HMCN1: variants seen among roughly 807,000 people sequenced by gnomAD.
The protein encoded by HMCN1 is hemicentin 1.
Under a neutral mutation model 625.9 loss-of-function variants are expected in HMCN1, and 321 were observed. The ratio of observed to expected loss-of-function variants is 0.51; its 90% CI spans 0.47 to 0.56. The LOEUF is 0.56. Among genes scored for constraint, HMCN1 ranks in the 20% least tolerant of loss-of-function variants. HMCN1 has a pLI of 0.00. For missense variants in HMCN1, 6,588 were observed against 6,887.3 expected (o/e 0.96, Z 1.54); for synonymous variants, 2,425 against 2,417.6 (o/e 1.00, Z -0.09).
chr1:186,122,197 A>C (rs1226528090), intron 80 of HMCN1, among the ~76,000 whole-genome samples: 1 of 152,212 alleles, frequency 6.6e-6, no homozygotes, highest in Non-Finnish European at 1.5e-5. Context: ...TTCTGAATAG[A>C]CTGTCTTCTT....
chr1:186,080,343 TG>T (rs1353244138), intron 55 of HMCN1, among the ~76,000 whole-genome samples: 1 of 151,990 alleles, frequency 6.6e-6, no homozygotes, highest in Non-Finnish European at 1.5e-5. Flanking sequence ...ATTTTTAAAG[TG>T]GGGGGGAAAT....
intron 4 of HMCN1, among the ~76,000 whole-genome samples, chr1:185,902,547 T>G (rs1198580056): frequency 2.0e-5 from 3 of 151,730 alleles, no homozygotes; most frequent in African/African-American, 2.4e-5. Flanking sequence ...AATAGTGTTT[T>G]ATGTAACTAC....
At chr1:185,924,356 G>A (rs1225281786) in intron 8 of HMCN1, among the ~76,000 whole-genome samples, 1 of 148,576 alleles carries the variant, frequency 6.7e-6, no homozygotes, top group African/African-American at 2.5e-5. Flanking sequence ...TCAGCCTCCC[G>A]AGTAGCTGGG....
intron 67 of HMCN1, 121 bp downstream of exon 67, chr1:186,094,494 A>T (rs1411531101): frequency 2.7e-6 from 2 of 752,428 alleles, no homozygotes; most frequent in Non-Finnish European, 4.7e-6. Context: ...AGGATTAGTG[A>T]AATAGGATCT....
At chr1:186,052,714 G>A (rs1657043514) in intron 42 of HMCN1, among the ~76,000 whole-genome samples, 1 of 151,940 alleles carries the variant, frequency 6.6e-6, no homozygotes, top group South Asian at 2.1e-4. Context: ...TAATAAAGTA[G>A]CTTCTTTTTA....
chr1:185,812,072 A>G (rs533975545), intron 1 of HMCN1, among the ~76,000 whole-genome samples: 1 of 152,158 alleles, frequency 6.6e-6, no homozygotes, highest in Non-Finnish European at 1.5e-5. Flanking sequence ...CCAGTCAGCT[A>G]TTCTCTAAGT....
At position 185,951,348 on chromosome 1, in the gene HMCN1, G is replaced by A. The variant is rs1668657754; in HGVS notation, c.1829-11170G>A. ...TTGTCTAAGTTGGCACCACAGCTGG[G>A]GAGTTTTAAGAGGTTTAGAAGCCTG... On this transcript the variant is annotated intron_variant, in intron 11 of 106. Transcript: ENST00000271588. Among the ~76,000 whole-genome samples, 7 of 151,886 alleles carry A rather than the reference G, an allele frequency of 4.6e-5. No individual in the cohort carries two copies. In the South Asian group the frequency reaches 1.5e-3, roughly 32 times the overall value.
rs139527845 is a variant in HMCN1 at position 185,845,660 on chromosome 1, G to A, written c.269-366G>A. On this transcript the variant is annotated intron_variant, in intron 1 of 106. Coordinates refer to ENST00000271588, the MANE Select transcript of HMCN1 (RefSeq NM_031935.3). ...AAACAAATTTACACTTTAAAGTTGG[G>A]CAGACTGAATTATAGACGAATAAGT... 7.2e-4 allele frequency among the ~76,000 whole-genome samples: 110 copies of A among 152,292 alleles called. 1 individual carries two copies. The East Asian group carries it at 0.02, about 28-fold the overall frequency.
chr1:185,902,236 T>A (rs1321960463), intron 4 of HMCN1, among the ~76,000 whole-genome samples: 2 of 151,456 alleles, frequency 1.3e-5, no homozygotes, highest in Non-Finnish European at 3.0e-5. Context: ...ACTTTTTTTA[T>A]ATAAATTTTT....
intron 41 of HMCN1, 27 bp from the exon 42 acceptor site, chr1:186,048,716 G>A (rs775582058): frequency 1.1e-5 from 15 of 1,353,156 alleles, no homozygotes; most frequent in Non-Finnish European, 1.6e-5. Context: ...TAGAAAGTGT[G>A]ATTTCAAAGG....
At chr1:185,830,177 T>A (rs1207158795) in intron 1 of HMCN1, among the ~76,000 whole-genome samples, 1 of 151,290 alleles carries the variant, frequency 6.6e-6, no homozygotes, top group Non-Finnish European at 1.5e-5. Context: ...ATTGCAAAAA[T>A]TTTCTCTCAT....
intron 1 of HMCN1, among the ~76,000 whole-genome samples, chr1:185,841,854 G>A (rs958942028): frequency 1.3e-5 from 2 of 152,206 alleles, no homozygotes; most frequent in Non-Finnish European, 2.9e-5. Flanking sequence ...ATCAGCATGT[G>A]TTTTAGAGTA....
intron 36 of HMCN1, among the ~76,000 whole-genome samples, chr1:186,036,502 A>C (rs1409164052): frequency 6.6e-6 from 1 of 152,148 alleles, no homozygotes; most frequent in African/African-American, 2.4e-5. Context: ...CCCATGATTC[A>C]ATTATCTACC....
At chr1:186,134,947 A>C (rs1472222880) in intron 86 of HMCN1, among the ~76,000 whole-genome samples, 1 of 152,104 alleles carries the variant, frequency 6.6e-6, no homozygotes, top group Non-Finnish European at 1.5e-5. Flanking sequence ...GTATGCTGTT[A>C]CTCTTCAGGG....
intron 1 of HMCN1, among the ~76,000 whole-genome samples, chr1:185,836,677 G>T (rs977992038): frequency 3.3e-5 from 5 of 152,036 alleles, no homozygotes; most frequent in African/African-American, 1.2e-4. Flanking sequence ...ACATGTGCAG[G>T]TTTGTTTTTA....
At chr1:186,069,316 G>T (rs1013954238) in intron 50 of HMCN1, among the ~76,000 whole-genome samples, 1 of 152,184 alleles carries the variant, frequency 6.6e-6, no homozygotes, top group African/African-American at 2.4e-5. Context: ...AATTTCTCCT[G>T]TAGGCTAGGT....
chr1:185,812,363 A>G (rs1484873490), intron 1 of HMCN1, among the ~76,000 whole-genome samples: 1 of 152,080 alleles, frequency 6.6e-6, no homozygotes, highest in African/African-American at 2.4e-5. Context: ...AAGCTACTTG[A>G]CTTGAAAAAA....
At position 186,007,221 on chromosome 1, in the gene HMCN1, C is replaced by T. The variant is rs755273358; in HGVS notation, c.4569C>T (p.Tyr1523=). The change falls in exon 30 of 107, where the codon TAC becomes TAT. Residue 1523 remains tyrosine, a synonymous_variant. Coordinates refer to ENST00000271588, the MANE Select transcript of HMCN1 (RefSeq NM_031935.3). The part of the protein sequence containing the change: ...KNARRNDKGR[Y]QCTVSNAAGK... ...CACGGAGAAATGACAAGGGGCGCTA[C>T]CAATGTACTGTGTCTAATGCAGCTG... 6.2e-7 allele frequency: 1 copy of T among 1,613,616 alleles called. No homozygotes were observed. The highest frequency in any genetic ancestry group is 2.2e-5 in the East Asian group (1 of 44,822).
intron 68 of HMCN1, among the ~76,000 whole-genome samples, chr1:186,095,904 G>A (rs1263280003): frequency 6.6e-6 from 1 of 152,056 alleles, no homozygotes; most frequent in Non-Finnish European, 1.5e-5. Context: ...GATCCAGTCT[G>A]TACCTTATAG....
Sources: allele counts gnomAD v4.1 joint callset (sites outside exome capture counted in the v4.1 genomes callset), GRCh38; gene constraint gnomAD v4.1.1; transcripts MANE v1.5; gene names NCBI Gene and HGNC (gene_info 2026-07-23, HGNC 2026-07-21).